The following GALNT13 variants were observed in gnomAD, a reference collection of about 807,000 sequenced individuals.
GALNT13 encodes UDP-GalNAc:polypeptide N-acetylgalactosaminyltransferase 13.
GALNT13 carries 28 observed loss-of-function variants against 64.2 expected under a neutral mutation model. The observed-to-expected ratio is 0.44, with a 90% CI of 0.32 to 0.60. The LOEUF is 0.60. Among genes scored for constraint, GALNT13 ranks in the 20% least tolerant of loss-of-function variants. The pLI, the probability that GALNT13 is intolerant of heterozygous loss-of-function variation, is 0.05. For synonymous variants in GALNT13, 214 were observed against 224.6 expected, an observed-to-expected ratio of 0.95 and a Z score of 0.42; for missense variants, 577 against 669.8, an observed-to-expected ratio of 0.86 and a Z score of 1.53.
the GALNT13 span, among the ~76,000 whole-genome samples, chr2:153,363,208 A>G: frequency 6.6e-6 from 1 of 152,180 alleles, no homozygotes; most frequent in African/African-American, 2.4e-5. Flanking sequence ...ACAATGTACC[A>G]GAATCTCCGA....
At position 154,442,048 on chromosome 2, in the gene GALNT13, C is replaced by T. The variant is rs563434999; in HGVS notation, c.1530+3322C>T. Reference sequence around the variant, plus strand: ...TCGAAAAACTGGAAATAATTAGATTCTCTTTCAGTGGTTAAGATATAATAA... The same window carrying T: ...TCGAAAAACTGGAAATAATTAGATTTTCTTTCAGTGGTTAAGATATAATAA... On this transcript the variant is annotated intron_variant, in intron 12 of 12. Transcript: ENST00000392825. 3.6e-3 allele frequency among the ~76,000 whole-genome samples: 480 copies of T among 134,026 alleles called. 2 individuals carry two copies. Among genetic ancestry groups the T allele is most frequent in the African/African-American group, 0.012 (450 of 36,604 alleles). The allele number at this position is 134,026 out of a possible 152,430, so 87.9% of individuals were successfully genotyped here.
the GALNT13 span, among the ~76,000 whole-genome samples, chr2:153,567,841 A>C: frequency 6.6e-6 from 1 of 152,256 alleles, no homozygotes; most frequent in East Asian, 1.9e-4. Context: ...TAATGTTATC[A>C]AACCACTGAA....
At chr2:153,716,318 C>T in the GALNT13 span, among the ~76,000 whole-genome samples, 3 of 152,160 alleles carry the variant, frequency 2.0e-5, no homozygotes, top group African/African-American at 7.2e-5. Context: ...AATTTGTAAA[C>T]TTTCTTAAAA....
At position 154,289,862 on chromosome 2, in the gene GALNT13, C is replaced by A. The variant is rs72855816; in HGVS notation, c.976-11547C>A. Among the ~76,000 whole-genome samples, 525 of 152,324 alleles carry A rather than the reference C, an allele frequency of 3.4e-3. 1 individual carries two copies. Among genetic ancestry groups the A allele is most frequent in the Non-Finnish European group, 6.2e-3 (419 of 68,042 alleles). On this transcript the variant is annotated intron_variant, in intron 8 of 12. Transcript: ENST00000392825. The stretch of plus-strand genomic sequence containing the variant: ...CAAAGTTTGTCCCACTTATTCTGTC[C>A]TTCACCAAGGAGACAGCCTGAAGCA...
chr2:153,839,727 T>C, the GALNT13 span, among the ~76,000 whole-genome samples: 1 of 152,006 alleles, frequency 6.6e-6, no homozygotes, highest in Non-Finnish European at 1.5e-5. Context: ...TATACATTTG[T>C]ATTTTTTTTA....
the GALNT13 span, among the ~76,000 whole-genome samples, chr2:153,438,966 C>G: frequency 6.6e-6 from 1 of 152,090 alleles, no homozygotes; most frequent in Admixed American, 6.6e-5. Flanking sequence ...TACCTTTGGT[C>G]TTTGATGATG....
chr2:154,033,108 G>A (rs1698445583), intron 3 of GALNT13, among the ~76,000 whole-genome samples: 1 of 151,720 alleles, frequency 6.6e-6, no homozygotes, highest in South Asian at 2.1e-4. Flanking sequence ...AATGAATTGT[G>A]CAGAAAGCAA....
chr2:153,664,255 C>T, the GALNT13 span, among the ~76,000 whole-genome samples: 1 of 152,106 alleles, frequency 6.6e-6, no homozygotes, highest in Admixed American at 6.5e-5. Flanking sequence ...GTTCATATAC[C>T]CACCCCTGGG....
At chr2:154,373,080 T>A (rs992128176) in intron 9 of GALNT13, among the ~76,000 whole-genome samples, 1 of 152,124 alleles carries the variant, frequency 6.6e-6, no homozygotes, top group Non-Finnish European at 1.5e-5. Context: ...AGTATTTTAA[T>A]GTCAAAGTCA....
chr2:153,936,059 C>A (rs1452650041), intron 2 of GALNT13, among the ~76,000 whole-genome samples: 3 of 152,144 alleles, frequency 2.0e-5, no homozygotes, highest in Non-Finnish European at 4.4e-5. Flanking sequence ...CCACATAGGC[C>A]ATTGTAGAGG....
At chr2:153,715,536 A>G in the GALNT13 span, among the ~76,000 whole-genome samples, 1 of 152,228 alleles carries the variant, frequency 6.6e-6, no homozygotes, top group African/African-American at 2.4e-5. Flanking sequence ...TCCATGCCTT[A>G]TATTACTTTA....
chr2:153,481,025 T>C, the GALNT13 span, among the ~76,000 whole-genome samples: 1 of 152,202 alleles, frequency 6.6e-6, no homozygotes, highest in Non-Finnish European at 1.5e-5. Flanking sequence ...GGAGAGTTTT[T>C]ATATTTAATC....
intron 6 of GALNT13, among the ~76,000 whole-genome samples, chr2:154,244,270 T>C (rs1487297699): frequency 3.3e-5 from 5 of 152,176 alleles, no homozygotes; most frequent in Admixed American, 6.5e-5. Flanking sequence ...CTACCCTAAA[T>C]AGACAGTCTG....
the GALNT13 span, among the ~76,000 whole-genome samples, chr2:153,539,767 C>A: frequency 6.6e-6 from 1 of 151,622 alleles, no homozygotes; most frequent in East Asian, 1.9e-4. Context: ...TGTTTTGGTA[C>A]CAGTACCATG....
chr2:153,978,341 G>T (rs943564385), intron 3 of GALNT13, among the ~76,000 whole-genome samples: 1 of 152,018 alleles, frequency 6.6e-6, no homozygotes, highest in Non-Finnish European at 1.5e-5. Flanking sequence ...ATTCAGCCTG[G>T]GTATGAATTT....
the GALNT13 span, chr2:153,208,061 A>T: frequency 6.6e-6 from 1 of 150,564 alleles, no homozygotes; most frequent in African/African-American, 2.4e-5. Flanking sequence ...CAATACAAAT[A>T]TTTTTTTTTT....
intron 3 of GALNT13, among the ~76,000 whole-genome samples, chr2:154,061,897 G>C (rs1700208795): frequency 6.6e-6 from 1 of 152,134 alleles, no homozygotes. Context: ...TCCTCACTAA[G>C]AGTATATGTG....
chr2:153,519,590 G>A, the GALNT13 span, among the ~76,000 whole-genome samples: 3 of 152,060 alleles, frequency 2.0e-5, no homozygotes, highest in Non-Finnish European at 4.4e-5. Context: ...TTTAGATAAA[G>A]TTTCTTCTTC....
chr2:153,542,335 C>T, the GALNT13 span, among the ~76,000 whole-genome samples: 1 of 104,378 alleles, frequency 9.6e-6, no homozygotes, highest in Admixed American at 1.1e-4. Context: ...AACAAACAAA[C>T]AAACAAACAA....
Sources: allele counts gnomAD v4.1 joint callset (sites outside exome capture counted in the v4.1 genomes callset), GRCh38; gene constraint gnomAD v4.1.1; transcripts MANE v1.5; gene names NCBI Gene and HGNC (gene_info 2026-07-23, HGNC 2026-07-21).